The following RANBP17 variants were observed in gnomAD, a reference collection of about 807,000 sequenced individuals.
RANBP17 encodes RAN binding protein 17.
In RANBP17, 158 loss-of-function variants were observed where a neutral mutation model predicts 141.2. That is an observed-to-expected ratio of 1.12 (90% CI 0.98 to 1.28). The LOEUF (loss-of-function observed/expected upper bound fraction) is 1.28. Ranked by LOEUF, RANBP17 falls within the 50% of genes most tolerant of loss-of-function variation. The pLI is 0.00. For synonymous variants in RANBP17, 430 were observed against 450.0 expected, an observed-to-expected ratio of 0.96 and a Z score of 0.56; for missense variants, 1,438 against 1,290.7, an observed-to-expected ratio of 1.11 and a Z score of -1.75.
intron 5 of RANBP17, 57 bp from the exon 6 acceptor site, chr5:170,909,597 TTAGTAAA>T: frequency 5.7e-6 from 3 of 530,098 alleles, no homozygotes; most frequent in Non-Finnish European, 9.8e-6. Flanking sequence ...TTTTTTTTTT[TTAGTAAA>T]TTTTGGTTTG....
intron 14 of RANBP17, among the ~76,000 whole-genome samples, chr5:171,163,941 C>T (rs77990347): frequency 0.069 from 10,510 of 152,180 alleles, 492 homozygotes; most frequent in African/African-American, 0.12. Flanking sequence ...ATCTTAAACA[C>T]TTATAGAAGG....
chr5:171,188,011 A>G (rs952910868), intron 18 of RANBP17, among the ~76,000 whole-genome samples: 1 of 152,372 alleles, frequency 6.6e-6, no homozygotes, highest in African/African-American at 2.4e-5. Context: ...TTAAATGGAA[A>G]GGGGACTACA....
At chr5:170,941,520 A>G (rs1262322899) in intron 12 of RANBP17, among the ~76,000 whole-genome samples, 1 of 152,186 alleles carries the variant, frequency 6.6e-6, no homozygotes, top group Non-Finnish European at 1.5e-5. Context: ...AAAAGAGACA[A>G]GAATTTAGAA....
chr5:171,017,067 C>G (rs1167605309), intron 14 of RANBP17, among the ~76,000 whole-genome samples: 2 of 152,072 alleles, frequency 1.3e-5, no homozygotes, highest in Non-Finnish European at 2.9e-5. Context: ...ATCCCATGTC[C>G]CAGAAAAGGA....
chr5:170,991,934 A>G (rs964370466), intron 14 of RANBP17, among the ~76,000 whole-genome samples: 4 of 152,024 alleles, frequency 2.6e-5, no homozygotes, highest in Admixed American at 2.6e-4. Context: ...AAACCAACCA[A>G]TTTATCACAG....
Position 171,017,506 on chromosome 5 carries a change from G to T in RANBP17, c.1710+49129G>T, listed in dbSNP as rs564440093. The stretch of plus-strand genomic sequence containing the variant: ...GATGTGCATTTCTCTGATGATCAGT[G>T]ATGTTAAGTTTTTTTCCATATGTTT... On this transcript the variant is annotated intron_variant, in intron 14 of 27. Coordinates refer to ENST00000523189, the MANE Select transcript of RANBP17 (RefSeq NM_022897.5). Among the ~76,000 whole-genome samples the T allele has an allele frequency of 1.2e-4, 18 of 152,264 alleles. No homozygotes were observed. The South Asian group carries it at 3.7e-3, about 32-fold the overall frequency.
At chr5:171,292,957 G>A (rs1226241161) in intron 25 of RANBP17, among the ~76,000 whole-genome samples, 3 of 152,326 alleles carry the variant, frequency 2.0e-5, no homozygotes, top group East Asian at 1.9e-4. Flanking sequence ...TGGCACTGGC[G>A]TCTCACCTCT....
At chr5:171,142,071 A>G (rs1199169247) in intron 14 of RANBP17, among the ~76,000 whole-genome samples, 1 of 152,216 alleles carries the variant, frequency 6.6e-6, no homozygotes, top group Non-Finnish European at 1.5e-5. Context: ...AGGTCCTATC[A>G]TTAGTTTCAA....
Position 171,265,844 on chromosome 5 carries a change from GC to G in RANBP17, c.2941del (p.Gln981ArgfsTer2), listed in dbSNP as rs772338019. ...TGCAGCAAAACCCAGATGTCCTGCAGCAGGTAACTGGTGGTTGATCACCTGG... is the reference window on the plus strand; with the variant it reads ...TGCAGCAAAACCCAGATGTCCTGCAGAGGTAACTGGTGGTTGATCACCTGG... ...FMQQNPDVLQ[Q>X]MMSVLMNTIV... On this transcript the variant is annotated frameshift_variant and splice_region_variant, in exon 25 of 28. Coordinates refer to ENST00000523189, the MANE Select transcript of RANBP17 (RefSeq NM_022897.5). LOFTEE classifies it high-confidence loss of function. The G allele has an allele frequency of 6.2e-7, 1 of 1,612,430 alleles. No homozygotes were observed. The highest frequency in any genetic ancestry group is 2.2e-5 in the East Asian group (1 of 44,870).
At chr5:171,274,764 C>A (rs1767386594) in intron 25 of RANBP17, among the ~76,000 whole-genome samples, 1 of 152,152 alleles carries the variant, frequency 6.6e-6, no homozygotes, top group Non-Finnish European at 1.5e-5. Flanking sequence ...GTATGATCTG[C>A]AGGCAATGAT....
At chr5:171,280,483 G>C (rs1170632673) in intron 25 of RANBP17, among the ~76,000 whole-genome samples, 3 of 151,922 alleles carry the variant, frequency 2.0e-5, no homozygotes, top group Non-Finnish European at 4.4e-5. Context: ...TTTCACCATA[G>C]TGCCCAGGCT....
At chr5:170,959,174 AC>A (rs1288610142) in intron 13 of RANBP17, among the ~76,000 whole-genome samples, 1 of 151,952 alleles carries the variant, frequency 6.6e-6, no homozygotes, top group African/African-American at 2.4e-5. Context: ...GCTCTCACCT[AC>A]CCATCTCCCA....
chr5:170,897,300 T>C, intron 5 of RANBP17: 2 of 621,678 alleles, frequency 3.2e-6, no homozygotes, highest in Non-Finnish European at 6.3e-6. Context: ...TTCTTTATAA[T>C]ACATTCCGTG....
intron 18 of RANBP17, among the ~76,000 whole-genome samples, chr5:171,194,675 A>G (rs1275347508): frequency 6.6e-6 from 1 of 152,208 alleles, no homozygotes; most frequent in East Asian, 1.9e-4. Flanking sequence ...GCATTTGCAT[A>G]CAACTTTTTG....
rs2914331 is a variant in RANBP17 at position 171,299,243 on chromosome 5, A to T, written c.*385A>T. On this transcript the variant is annotated 3_prime_UTR_variant, in exon 28 of 28. Transcript: ENST00000523189. The stretch of plus-strand genomic sequence containing the variant: ...ATTTGTTGGAGATGCAGCCTTCACC[A>T]TGGATCCTGGATTGAGACGAATGCC... 0.6 allele frequency: 148,868 copies of T among 247,304 alleles called. 46,361 individuals are homozygous for T. The highest frequency in any genetic ancestry group is 0.74 in the South Asian group (5,451 of 7,326). The allele number at this position is 247,304 out of a possible 1,614,324, so 15.3% of individuals were successfully genotyped here. A position where few individuals can be genotyped will look rare whatever the true frequency, so the allele number is the denominator to read the frequency against.
chr5:170,871,037 T>A (rs529229267), intron 1 of RANBP17, among the ~76,000 whole-genome samples: 24 of 152,306 alleles, frequency 1.6e-4, no homozygotes, highest in Non-Finnish European at 2.4e-4. Context: ...AAGTGTCTGT[T>A]CATGTCCTTT....
chr5:170,870,651 T>A (rs766985639), intron 1 of RANBP17, among the ~76,000 whole-genome samples: 1 of 152,214 alleles, frequency 6.6e-6, no homozygotes, highest in African/African-American at 2.4e-5. Flanking sequence ...TTCATGTCTT[T>A]GCTATTGTGA....
chr5:170,990,598 TATTTA>T, intron 14 of RANBP17, among the ~76,000 whole-genome samples: 1 of 152,104 alleles, frequency 6.6e-6, no homozygotes, highest in African/African-American at 2.4e-5. Flanking sequence ...TATACTGTTT[TATTTA>T]ATTATAAGAA....
rs147643755 is a variant in RANBP17 at position 171,125,968 on chromosome 5, A to G, written c.1711-44162A>G. On this transcript the variant is annotated intron_variant, in intron 14 of 27. Transcript: ENST00000523189. ...ACACCTGGCTATTTTTTGTATTTTT[A>G]GTAGAGATGGAGTTTCACCATGTTG... 7.6e-3 allele frequency among the ~76,000 whole-genome samples: 1,161 copies of G among 152,138 alleles called. 76 individuals carry two copies. The East Asian group carries it at 0.17, about 23-fold the overall frequency.
Sources: gnomAD v4.1 joint callset for allele counts (sites outside exome capture counted in the v4.1 genomes callset) on GRCh38, gnomAD v4.1.1 for gene constraint, MANE v1.5 for transcripts, NCBI Gene and HGNC (gene_info 2026-07-23, HGNC 2026-07-21) for gene names.